The following TNRC6B variants were observed in gnomAD, a reference collection of about 807,000 sequenced individuals.
TNRC6B encodes trinucleotide repeat containing adaptor 6B.
TNRC6B carries 52 observed loss-of-function variants against 203.6 expected under a neutral mutation model. The observed-to-expected ratio is 0.26, with a 90% confidence interval of 0.20 to 0.32. The LOEUF (loss-of-function observed/expected upper bound fraction) is 0.32. TNRC6B is among the 10% of genes least tolerant of loss of function. TNRC6B has a pLI of 1.00. For synonymous variants in TNRC6B, 838 were observed against 845.7 expected, an observed-to-expected ratio of 0.99 and a Z score of 0.16; for missense variants, 1,923 against 2,286.2, an observed-to-expected ratio of 0.84 and a Z score of 3.24.
intron 12 of TNRC6B, among the ~76,000 whole-genome samples, chr22:40,298,038 T>C (rs2070968241): frequency 6.6e-6 from 1 of 151,474 alleles, no homozygotes; most frequent in Non-Finnish European, 1.5e-5. Context: ...GGCAGGAGAA[T>C]GGCGTGAACC....
intron 1 of TNRC6B, among the ~76,000 whole-genome samples, chr22:40,236,020 G>T (rs2069942624): frequency 6.6e-6 from 1 of 152,200 alleles, no homozygotes; most frequent in South Asian, 2.1e-4. Flanking sequence ...AAGCAAGGCA[G>T]AGAGATTCTG....
intron 3 of TNRC6B, among the ~76,000 whole-genome samples, chr22:40,148,430 CCT>C (rs2068714660): frequency 1.3e-5 from 2 of 151,834 alleles, no homozygotes; most frequent in African/African-American, 2.4e-5. Flanking sequence ...ATTACAGGCG[CCT>C]GCCACCACGC....
intron 1 of TNRC6B, among the ~76,000 whole-genome samples, chr22:40,199,878 C>A (rs2069387310): frequency 6.6e-6 from 1 of 152,002 alleles, no homozygotes; most frequent in African/African-American, 2.4e-5. Context: ...CTCACTGCAA[C>A]CTCCGCCTTC....
chr22:40,187,117 A>G (rs1223171541), intron 1 of TNRC6B, among the ~76,000 whole-genome samples: 1 of 152,246 alleles, frequency 6.6e-6, no homozygotes, highest in Non-Finnish European at 1.5e-5. Context: ...TTTGAGTGGC[A>G]CTAGTCTCAT....
chr22:40,316,353 C>CAA (rs796891058), intron 21 of TNRC6B, among the ~76,000 whole-genome samples: 5 of 106,530 alleles, frequency 4.7e-5, no homozygotes, highest in Admixed American at 1.1e-4. Context: ...GACTCCATCT[C>CAA]AAAAAAAAAA....
chr22:40,277,598 A>G (rs1365143580), intron 8 of TNRC6B, among the ~76,000 whole-genome samples: 1 of 152,242 alleles, frequency 6.6e-6, no homozygotes, highest in African/African-American at 2.4e-5. Context: ...TGGTTGCCAA[A>G]AGACAAATGA....
chr22:40,187,767 C>T (rs1012607296), intron 1 of TNRC6B, among the ~76,000 whole-genome samples: 5 of 152,106 alleles, frequency 3.3e-5, no homozygotes, highest in South Asian at 2.1e-4. Flanking sequence ...TACTTTTTGC[C>T]GACCTGGGCC....
intron 1 of TNRC6B, among the ~76,000 whole-genome samples, chr22:40,207,418 AATATATATAT>A (rs55644816): frequency 5.0e-4 from 64 of 128,856 alleles, no homozygotes; most frequent in African/African-American, 1.1e-3. Context: ...AAAAAAAAAA[AATATATATAT>A]ATATATATAT....
intron 1 of TNRC6B, among the ~76,000 whole-genome samples, chr22:40,224,011 G>A (rs1214409449): frequency 6.6e-6 from 1 of 151,910 alleles, no homozygotes; most frequent in Non-Finnish European, 1.5e-5. Context: ...GTGTTGTTTT[G>A]TTTTGTTTTT....
intron 1 of TNRC6B, among the ~76,000 whole-genome samples, chr22:40,232,979 C>G (rs1376282148): frequency 2.6e-5 from 4 of 151,764 alleles, no homozygotes; most frequent in Non-Finnish European, 5.9e-5. Flanking sequence ...GAAACCCTGT[C>G]TCTACTAAAA....
At chr22:40,107,912 T>G (rs1047578620) in intron 1 of TNRC6B, among the ~76,000 whole-genome samples, 1 of 150,664 alleles carries the variant, frequency 6.6e-6, no homozygotes, top group African/African-American at 2.4e-5. Flanking sequence ...GTTTTCAGTT[T>G]ATGGCAACTA....
chr22:40,217,972 CAAA>C (rs138025), intron 1 of TNRC6B, among the ~76,000 whole-genome samples: 4 of 112,726 alleles, frequency 3.5e-5, no homozygotes, highest in African/African-American at 3.7e-5. Flanking sequence ...GACTCCATCT[CAAA>C]AAAAAAAAAA....
At chr22:40,258,962 A>G (rs1386230325) in intron 3 of TNRC6B, among the ~76,000 whole-genome samples, 5 of 152,192 alleles carry the variant, frequency 3.3e-5, no homozygotes, top group Non-Finnish European at 5.9e-5. Context: ...ACTTATAATG[A>G]AGATTCTTGA....
chr22:40,115,812 A>G (rs959798043), intron 1 of TNRC6B, among the ~76,000 whole-genome samples: 1 of 152,172 alleles, frequency 6.6e-6, no homozygotes, highest in Non-Finnish European at 1.5e-5. Flanking sequence ...TCATGAAGTG[A>G]TAATGGGTCT....
At chr22:40,319,397 A>G (rs2071304109) in intron 21 of TNRC6B, among the ~76,000 whole-genome samples, 1 of 150,040 alleles carries the variant, frequency 6.7e-6, no homozygotes, top group Admixed American at 6.6e-5. Context: ...CATAACTTAC[A>G]GTATGTTGTT....
At chr22:40,309,900 A>C (rs1257023028) in intron 16 of TNRC6B, among the ~76,000 whole-genome samples, 1 of 152,172 alleles carries the variant, frequency 6.6e-6, no homozygotes, top group Non-Finnish European at 1.5e-5. Context: ...TAGTTTTGAT[A>C]ATATTCCCAT....
intron 3 of TNRC6B, among the ~76,000 whole-genome samples, chr22:40,126,554 C>T (rs996935714): frequency 2.7e-5 from 4 of 149,538 alleles, no homozygotes; most frequent in African/African-American, 9.9e-5. Flanking sequence ...CAGCTGTATC[C>T]CTGTTGCTAC....
At chr22:40,177,124 A>G (rs1476266104), upstream of TNRC6B, among the ~76,000 whole-genome samples, 2 of 152,144 alleles carry the variant, frequency 1.3e-5, no homozygotes, top group Admixed American at 6.5e-5. Context: ...GCGAAGGAGA[A>G]GGGATTAGGA....
upstream of TNRC6B, among the ~76,000 whole-genome samples, chr22:40,177,152 G>A (rs530180793): frequency 6.6e-6 from 1 of 152,272 alleles, no homozygotes; most frequent in South Asian, 2.1e-4. Flanking sequence ...AAACCAGGTA[G>A]GTTTTAATTT....
Sources: gnomAD v4.1 joint callset for allele counts (sites outside exome capture counted in the v4.1 genomes callset) on GRCh38, gnomAD v4.1.1 for gene constraint, MANE v1.5 for transcripts, NCBI Gene and HGNC (gene_info 2026-07-23, HGNC 2026-07-21) for gene names.